The following SRRM2 variants were observed in gnomAD, a reference collection of about 807,000 sequenced individuals.
SRRM2 encodes serine/arginine repetitive matrix protein 2.
Under a neutral mutation model 213.8 loss-of-function variants are expected in SRRM2, and 30 were observed. The ratio of observed to expected loss-of-function variants is 0.14; its 90% CI spans 0.10 to 0.19. The LOEUF is 0.19. SRRM2 is among the 10% of genes least tolerant of loss of function. The pLI is 1.00. For missense variants in SRRM2, 4,904 were observed against 3,647.0 expected (o/e 1.34, Z -8.88); for synonymous variants, 2,025 against 1,377.7 (o/e 1.47, Z -10.40).
In SRRM2 at chr16:2,767,294, C is replaced by T. The variant is rs762877483; in HGVS notation, c.6766C>T (p.Leu2256=). The change falls in exon 11 of 15, where the codon CTG becomes TTG. Residue 2256 remains leucine (L), a synonymous_variant. Coordinates refer to ENST00000301740, the MANE Select transcript of SRRM2 (RefSeq NM_016333.4). ...RTPAIPTAVN[L]ADSRTPAAAA... is the part of the protein sequence containing the mutation. ...ACCTGCCATTCCAACAGCAGTGAAC[C>T]TGGCTGACTCTCGAACGCCAGCTGC... is the stretch of plus-strand genomic sequence containing the variant. 3.5e-5 allele frequency: 56 copies of T among 1,613,974 alleles called. No homozygotes were observed. Among genetic ancestry groups the T allele is most frequent in the East Asian group, 2.2e-5 (1 of 44,900 alleles).
rs2068288814 is a variant in SRRM2 at position 2,760,184 on chromosome 16, CT to C, written c.834-112del. ...ATGATTTGAGTTGTGCGACTAAAGGCTTTTTGGAAGAGGGTTGTCCAGTTAG... is the reference window on the plus strand; with the variant it reads ...ATGATTTGAGTTGTGCGACTAAAGGCTTTTGGAAGAGGGTTGTCCAGTTAG... On this transcript the variant is annotated intron_variant, in intron 9 of 14. Coordinates refer to ENST00000301740, the MANE Select transcript of SRRM2 (RefSeq NM_016333.4). The C allele has an allele frequency of 6.9e-6, 7 of 1,020,930 alleles. No individual in the cohort carries two copies. The Middle Eastern group carries it at 9.0e-4, about 131-fold the overall frequency. The allele number at this position is 1,020,930 out of a possible 1,614,324, so 63.2% of individuals were successfully genotyped here.
intron 11 of SRRM2, 97 bp downstream of exon 11, chr16:2,768,358 C>G: frequency 1.4e-6 from 2 of 1,388,098 alleles, no homozygotes; most frequent in Non-Finnish European, 9.6e-7. Context: ...GTGCTTGGCT[C>G]TTGGAGGAGG....
chr16:2,753,811 C>G (rs1251128826), intron 1 of SRRM2, among the ~76,000 whole-genome samples: 1 of 152,168 alleles, frequency 6.6e-6, no homozygotes, highest in Non-Finnish European at 1.5e-5. Flanking sequence ...TTTCTGGGTT[C>G]TTTGTGTCCA....
At chr16:2,756,057 A>G (rs753680057) in intron 1 of SRRM2, among the ~76,000 whole-genome samples, 6 of 152,196 alleles carry the variant, frequency 3.9e-5, no homozygotes, top group Non-Finnish European at 7.3e-5. Flanking sequence ...AAAGAAGAAA[A>G]TTTAGGTGTA....
chr16:2,760,357 C>A lies in SRRM2; in HGVS notation c.890C>A (p.Ser297Tyr). The part of the protein sequence containing the change: ...HTTALAGRSP[S>Y]PASGRRGEGD... ...ACTGCCTTGGCTGGGCGAAGTCCTT[C>A]CCCTGCTTCAGGGCGACGCGGGGAG... Residue 297 changes from serine (S) to tyrosine (Y), a missense_variant, in exon 10 of 15, where the codon TCC becomes TAC. Transcript: ENST00000301740. The A allele has an allele frequency of 1.2e-6, 2 of 1,614,066 alleles. No individual in the cohort carries two copies. Among genetic ancestry groups the A allele is most frequent in the Non-Finnish European group, 1.7e-6 (2 of 1,180,026 alleles).
rs961483782 is a variant in SRRM2 at position 2,766,203 on chromosome 16, C to A, written c.5675C>A (p.Thr1892Asn). 7 of 1,614,218 alleles carry A rather than the reference C, an allele frequency of 4.3e-6. No homozygotes were observed. Among genetic ancestry groups the A allele is most frequent in the Non-Finnish European group, 5.9e-6 (7 of 1,180,040 alleles). The change falls in exon 11 of 15, where the codon ACT becomes AAT. Residue 1892 changes from threonine to asparagine, a missense_variant. By Grantham distance (65) the Thr-to-Asn change is moderately conservative. Coordinates refer to ENST00000301740, the MANE Select transcript of SRRM2 (RefSeq NM_016333.4). This position sits in a 1 kb window ranked among gnomAD's most constrained non-coding sequence, Gnocchi z 7.0. ...AGCCGACGTAGGTCCAGATCTCGAACTTCACCAGTCAGCCGGAGACGGTCA... is the reference window on the plus strand; with the variant it reads ...AGCCGACGTAGGTCCAGATCTCGAAATTCACCAGTCAGCCGGAGACGGTCA... ...LISRRRSRSRTSPVSRRRSRS... is the reference protein window; with the variant it reads ...LISRRRSRSRNSPVSRRRSRS...
intron 1 of SRRM2, among the ~76,000 whole-genome samples, chr16:2,754,715 G>A (rs894093637): frequency 6.6e-6 from 1 of 152,232 alleles, no homozygotes; most frequent in African/African-American, 2.4e-5. Context: ...GAAATTAAGT[G>A]GGGTAGGGGA....
chr16:2,770,480 AG>A lies in SRRM2; in HGVS notation c.8135+17del. On this transcript the variant is annotated intron_variant, in intron 13 of 14. Transcript: ENST00000301740. ...GACCAGCAGAGGTAAGGCCAACTGC[AG>A]GTGTCAGCACCCAGCCTGTCTGGCC... is the stretch of plus-strand genomic sequence containing the variant. 1 of 1,595,580 alleles carries A rather than the reference AG, an allele frequency of 6.3e-7. No individual in the cohort carries two copies. Among genetic ancestry groups the A allele is most frequent in the Non-Finnish European group, 8.5e-7 (1 of 1,171,514 alleles).
At position 2,770,403 on chromosome 16, in the gene SRRM2, C is replaced by T; in HGVS notation, c.8073C>T (p.Leu2691=). ...PIDSLRDSRS[L]SYSPVERRRP... ...ACTCCCTCAGGGACTCTCGGTCCCT[C>T]AGCTACTCGCCTGTGGAGCGTCGCC... is the stretch of plus-strand genomic sequence containing the variant. The change falls in exon 13 of 15, where the codon CTC becomes CTT. Residue 2691 remains leucine (L), a synonymous_variant. Transcript: ENST00000301740. 4 of 1,610,526 alleles carry T rather than the reference C, an allele frequency of 2.5e-6. No homozygotes were observed. The East Asian group carries it at 6.7e-5, about 27-fold the overall frequency.
chr16:2,755,342 T>C (rs938647897), intron 1 of SRRM2, among the ~76,000 whole-genome samples: 4 of 152,094 alleles, frequency 2.6e-5, no homozygotes, highest in African/African-American at 9.7e-5. Flanking sequence ...TAGGAAGTGC[T>C]ATCCAGGGGA....
rs2068727769 is a variant in SRRM2, at chr16:2,771,008, T to TC, written c.*145dup. On this transcript the variant is annotated 3_prime_UTR_variant, in exon 15 of 15. Coordinates refer to ENST00000301740, the MANE Select transcript of SRRM2 (RefSeq NM_016333.4). The stretch of plus-strand genomic sequence containing the variant: ...CCTTGGATGGAGGGCTCCCTTTCCC[T>TC]CCCCTTTTTTTTTTCTTTGTTCCTG... The TC allele has an allele frequency of 1.4e-6, 1 of 734,208 alleles. No individual in the cohort carries two copies. Among genetic ancestry groups the TC allele is most frequent in the Non-Finnish European group, 1.9e-6 (1 of 514,630 alleles). 45.5% of individuals were successfully genotyped at this position (734,208 alleles called of 1,614,324 possible). A position where few individuals can be genotyped will look rare whatever the true frequency, so the allele number is the denominator to read the frequency against.
Position 2,756,569 on chromosome 16 carries a change from C to A in SRRM2, c.205C>A (p.Arg69=), listed in dbSNP as rs1398204178. Residue 69 remains arginine, a synonymous_variant, in exon 2 of 15, where the codon CGA becomes AGA. Coordinates refer to ENST00000301740, the MANE Select transcript of SRRM2 (RefSeq NM_016333.4). ...CGAGCGCAAGCGGCGCGTCGAGCTG[C>A]GATGCCTCGAGCTGGAGGAGATGAT... is the stretch of plus-strand genomic sequence containing the variant. ...DHERKRRVEL[R]CLELEEMMEE... 2 of 1,613,760 alleles carry A rather than the reference C, an allele frequency of 1.2e-6. No individual in the cohort carries two copies. Among genetic ancestry groups the A allele is most frequent in the East Asian group, 4.5e-5 (2 of 44,872 alleles).
At position 2,762,483 on chromosome 16, in the gene SRRM2, C is replaced by T; in HGVS notation, c.1955C>T (p.Pro652Leu). ...AGTGGCAGGTCACGCTCTAGAACCC[C>T]AGCTAGACGTGGCCGCTCACGCTCC... Reference protein sequence around the residue: ...RRSGRSRSRTPARRGRSRSRT... With the variant: ...RRSGRSRSRTLARRGRSRSRT... The change falls in exon 11 of 15, where the codon CCA becomes CTA. Residue 652 changes from proline (P) to leucine (L), a missense_variant. Transcript: ENST00000301740. 6.2e-7 allele frequency: 1 copy of T among 1,613,800 alleles called. No individual in the cohort carries two copies. Among genetic ancestry groups the T allele is most frequent in the Non-Finnish European group, 8.5e-7 (1 of 1,179,840 alleles).
At chr16:2,756,235 T>G in intron 1 of SRRM2, 99 bp from the exon 2 acceptor site, 3 of 1,129,972 alleles carry the variant, frequency 2.7e-6, no homozygotes, top group Non-Finnish European at 3.7e-6. Flanking sequence ...AAGATCAATG[T>G]TGAATTAGGG....
rs770984512 is a variant in SRRM2 at position 2,765,710 on chromosome 16, C to T, written c.5182C>T (p.Pro1728Ser). 4 of 1,614,138 alleles carry T rather than the reference C, an allele frequency of 2.5e-6. No individual in the cohort carries two copies. The highest frequency in any genetic ancestry group is 2.2e-5 in the South Asian group (2 of 91,072). The change falls in exon 11 of 15, where the codon CCC becomes TCC. Residue 1728 changes from proline (P) to serine (S), a missense_variant. Coordinates refer to ENST00000301740, the MANE Select transcript of SRRM2 (RefSeq NM_016333.4). ...SRTPPRHRRS[P>S]SVSSPEPAEK... ...AACTCCCCCAAGGCACCGGAGAAGT[C>T]CCTCAGTGTCTTCCCCGGAGCCAGC... is the stretch of plus-strand genomic sequence containing the variant.
rs751469407 is a variant in SRRM2, at chr16:2,758,454, T to G, written c.516-16T>G. 1.2e-6 allele frequency: 2 copies of G among 1,609,854 alleles called. No homozygotes were observed. Among genetic ancestry groups the G allele is most frequent in the East Asian group, 2.2e-5 (1 of 44,868 alleles). On this transcript the variant is annotated splice_polypyrimidine_tract_variant and intron_variant, in intron 4 of 14. Transcript: ENST00000301740. ...TGTTCTACCACCCATCTCTGCTGCT[T>G]TTCATTTTTCCCTAGCCTTGTTCGG...
At position 2,757,962 on chromosome 16, in the gene SRRM2, A is replaced by G. The variant is rs1364521137; in HGVS notation, c.515+17A>G. On this transcript the variant is annotated intron_variant, in intron 4 of 14. Transcript: ENST00000301740. The stretch of plus-strand genomic sequence containing the variant: ...ACCTTACAGGTATACAAGGCCAAGA[A>G]ACCACTGTCAGCTTCTTTTCTTGAT... The G allele has an allele frequency of 1.9e-6, 3 of 1,595,992 alleles. No individual in the cohort carries two copies. Among genetic ancestry groups the G allele is most frequent in the Middle Eastern group, 3.4e-4 (2 of 5,924 alleles).
Position 2,765,324 on chromosome 16 carries a change from G to A in SRRM2, c.4796G>A (p.Gly1599Asp), listed in dbSNP as rs138982695. 114 of 1,614,122 alleles carry A rather than the reference G, an allele frequency of 7.1e-5. 1 individual carries two copies. The Admixed American group carries it at 8.0e-4, about 11-fold the overall frequency. ...CTATCCCCTCGGCGCAGTAGGTCTG[G>A]TTCCTCCCCTGAAGTGAAAGATAAG... is the stretch of plus-strand genomic sequence containing the variant. Reference protein sequence around the residue: ...SRLSPRRSRSGSSPEVKDKPR... With the variant: ...SRLSPRRSRSDSSPEVKDKPR... The change falls in exon 11 of 15, where the codon GGT (glycine) becomes GAT (aspartate). Residue 1599 changes from glycine (G) to aspartate (D), a missense_variant. By Grantham distance (94) the Gly-to-Asp change is moderately conservative. Coordinates refer to ENST00000301740, the MANE Select transcript of SRRM2 (RefSeq NM_016333.4).
intron 10 of SRRM2, 86 bp downstream of exon 10, chr16:2,760,585 C>A: frequency 7.0e-7 from 1 of 1,433,200 alleles, no homozygotes; most frequent in Non-Finnish European, 9.5e-7. Flanking sequence ...GAGGTAATAA[C>A]TTATTAAAAT....
Sources: gnomAD v4.1 joint callset for allele counts (sites outside exome capture counted in the v4.1 genomes callset) on GRCh38, gnomAD v4.1.1 for gene constraint, Gnocchi (gnomAD v3.1) non-coding constraint, MANE v1.5 for transcripts, NCBI Gene and HGNC (gene_info 2026-07-23, HGNC 2026-07-21) for gene names.